The following SCNM1 variants were observed in gnomAD, a reference collection of about 807,000 sequenced individuals.
SCNM1 encodes the protein sodium channel modifier 1.
In SCNM1, 24 loss-of-function variants were observed where a neutral mutation model predicts 32.8. The ratio of observed to expected loss-of-function variants is 0.73; its 90% CI spans 0.53 to 1.03. The LOEUF (loss-of-function observed/expected upper bound fraction) is 1.03. Ranked by LOEUF, SCNM1 falls within the 50% of genes least tolerant of loss-of-function variation. The pLI is 0.00. For synonymous variants in SCNM1, 99 were observed against 103.2 expected (o/e 0.96, Z 0.25); for missense variants, 274 against 282.3 (o/e 0.97, Z 0.21).
chr1:151,166,544 A>G lies in SCNM1; in HGVS notation c.122+3A>G, dbSNP rs769319934. On this transcript the variant is annotated splice_donor_region_variant and intron_variant, in intron 2 of 6. Coordinates refer to ENST00000368905, the MANE Select transcript of SCNM1 (RefSeq NM_024041.4). The stretch of plus-strand genomic sequence containing the variant: ...GCGCTGATGCTTCGGGATGGACGGT[A>G]AGAGCAAGGAGTGGCTCAAGCCTGA... 1.9e-6 allele frequency: 3 copies of G among 1,613,840 alleles called. No individual in the cohort carries two copies. In the Admixed American group the frequency reaches 5.0e-5, roughly 27 times the overall value.
At chr1:151,167,663 C>T in intron 5 of SCNM1, 4 of 454,822 alleles carry the variant, frequency 8.8e-6, no homozygotes, top group South Asian at 8.2e-5. Context: ...GAAATCCTGT[C>T]TCTACCAAAA....
Position 151,168,192 on chromosome 1 carries a change from A to G in SCNM1, c.447A>G (p.Ser149=), listed in dbSNP as rs141384341. 228 of 1,614,174 alleles carry G rather than the reference A, an allele frequency of 1.4e-4. No individual in the cohort carries two copies. The Middle Eastern group carries it at 1.8e-3, about 13-fold the overall frequency. Residue 149 remains serine (S), a synonymous_variant, in exon 6 of 7, where the codon TCA becomes TCG. Coordinates refer to ENST00000368905, the MANE Select transcript of SCNM1 (RefSeq NM_024041.4). ...PSVSLSPMPP[S]EVKLQSGKIS... The stretch of plus-strand genomic sequence containing the variant: ...TCTCCCTTTCCCCTATGCCACCCTC[A>G]GAGGTCAAACTCCAAAGTGGGAAGA...
Position 151,166,737 on chromosome 1 carries a change from A to G in SCNM1, c.122+196A>G, listed in dbSNP as rs1572075405. ...GCGCATGCCACCACGCCTGGCTTCA[A>G]CAAACTTTTGTTATTAATTAGGACA... is the stretch of plus-strand genomic sequence containing the variant. On this transcript the variant is annotated intron_variant, in intron 2 of 6. Transcript: ENST00000368905. 10 of 1,235,826 alleles carry G rather than the reference A, an allele frequency of 8.1e-6. No individual in the cohort carries two copies. In the East Asian group the frequency reaches 2.3e-4, roughly 28 times the overall value. The allele number at this position is 1,235,826 out of a possible 1,614,324, so 76.6% of individuals were successfully genotyped here. A position where few individuals can be genotyped will look rare whatever the true frequency, so the allele number is the denominator to read the frequency against.
chr1:151,168,874 G>T, intron 6 of SCNM1, 112 bp from the exon 7 acceptor site: 1 of 922,868 alleles, frequency 1.1e-6, no homozygotes, highest in Non-Finnish European at 1.5e-6. Context: ...CTGACCTCAA[G>T]TGATCCACCT....
At chr1:151,166,375 C>G in intron 1 of SCNM1, 96 bp from the exon 2 acceptor site, 5 of 1,566,742 alleles carry the variant, frequency 3.2e-6, no homozygotes, top group Non-Finnish European at 4.3e-6. Context: ...CCCCAGGGTC[C>G]TTATTCCATT....
chr1:151,167,322 C>G lies in SCNM1; in HGVS notation c.310-4C>G. 6.2e-7 allele frequency: 1 copy of G among 1,614,078 alleles called. No individual in the cohort carries two copies. Reference sequence around the variant, plus strand: ...TCTGACTCTGTCTCCCATCTCCTTACCAGGCTCCTCTGCTAACTCAGACAC... The same window carrying G: ...TCTGACTCTGTCTCCCATCTCCTTAGCAGGCTCCTCTGCTAACTCAGACAC... On this transcript the variant is annotated splice_region_variant and splice_polypyrimidine_tract_variant and intron_variant, in intron 4 of 6. Transcript: ENST00000368905.
Position 151,166,520 on chromosome 1 carries a change from C to G in SCNM1, c.101C>G (p.Ala34Gly), listed in dbSNP as rs780101124. 1 of 1,614,006 alleles carries G rather than the reference C, an allele frequency of 6.2e-7. No homozygotes were observed. ...LLASYIPEDEALMLRDGRFAC... is the reference protein window; with the variant it reads ...LLASYIPEDEGLMLRDGRFAC... ...GCCAGTTACATTCCAGAGGATGAGG[C>G]GCTGATGCTTCGGGATGGACGGTAA... The change falls in exon 2 of 7, where the codon GCG becomes GGG. Residue 34 changes from alanine to glycine, a missense_variant. By Grantham distance (60) the Ala-to-Gly change is moderately conservative. Coordinates refer to ENST00000368905, the MANE Select transcript of SCNM1 (RefSeq NM_024041.4).
Position 151,167,158 on chromosome 1 carries a change from G to C in SCNM1, c.249G>C (p.Lys83Asn). 1 of 1,614,184 alleles carries C rather than the reference G, an allele frequency of 6.2e-7. No individual in the cohort carries two copies. The highest frequency in any genetic ancestry group is 8.5e-7 in the Non-Finnish European group (1 of 1,180,048). ...TCTATGGCAAGAAGCAGCCGGGAAA[G>C]GAAAGAAAGCAGAATCCAAAACATC... ...QLFYGKKQPG[K>N]ERKQNPKHQN... Residue 83 changes from lysine to asparagine, a missense_variant, in exon 4 of 7, where the codon AAG becomes AAC. Physicochemically the swap from Lys to Asn is moderately conservative, Grantham distance 94. Coordinates refer to ENST00000368905, the MANE Select transcript of SCNM1 (RefSeq NM_024041.4).
chr1:151,168,319 C>A lies in SCNM1; in HGVS notation c.574C>A (p.His192Asn). ...CCCCACAAGAAGACGAGCCCTGGAC[C>A]ATTATCTCACCCTTCGAAGGTGAGT... ...MSPTRRRALD[H>N]YLTLRSSGWI... Residue 192 changes from histidine (H) to asparagine (N), a missense_variant, in exon 6 of 7, where the codon CAT becomes AAT. His to Asn is a moderately conservative substitution (Grantham distance 68). Transcript: ENST00000368905. 6.2e-7 allele frequency: 1 copy of A among 1,609,940 alleles called. No homozygotes were observed. Among genetic ancestry groups the A allele is most frequent in the Non-Finnish European group, 8.5e-7 (1 of 1,177,828 alleles).
chr1:151,167,988 C>A, intron 5 of SCNM1, 156 bp from the exon 6 acceptor site: 2 of 844,766 alleles, frequency 2.4e-6, no homozygotes, highest in Non-Finnish European at 3.4e-6. Context: ...TTTAAGCTAG[C>A]CTTTCCCAAA....
At position 151,169,239 on chromosome 1, in the gene SCNM1, CCTTT is replaced by C. The variant is rs1683860795; in HGVS notation, c.*155_*158del. On this transcript the variant is annotated 3_prime_UTR_variant, in exon 7 of 7. Transcript: ENST00000368905. ...TGCAAGGTACACAGCTCTCCACACT[CCTTT>C]TTTTTTTTTTTTTTTTTTTGAGGCA... 3 of 542,640 alleles carry C rather than the reference CCTTT, an allele frequency of 5.5e-6. No individual in the cohort carries two copies. The highest frequency in any genetic ancestry group is 8.9e-6 in the Non-Finnish European group (3 of 335,512). The allele number at this position is 542,640 out of a possible 1,614,324, so 33.6% of individuals were successfully genotyped here.
In SCNM1 at chr1:151,170,049, C is replaced by T; in HGVS notation, c.*964C>T. 1 of 1,613,702 alleles carries T rather than the reference C, an allele frequency of 6.2e-7. No homozygotes were observed. Among genetic ancestry groups the T allele is most frequent in the Non-Finnish European group, 8.5e-7 (1 of 1,179,632 alleles). ...GATGAGGATTTAAGTGTCCAGTGCT[C>T]CCAGCGCTAGTTGGTAAAGGGAAAT... On this transcript the variant is annotated 3_prime_UTR_variant, in exon 7 of 7. Transcript: ENST00000368905.
rs1395933610 is a variant in SCNM1 at position 151,167,191 on chromosome 1, A to G, written c.282A>G (p.Glu94=). ...ERKQNPKHQN[E]LRREETKAEA... is the part of the protein sequence containing the mutation. ...AGCAGAATCCAAAACATCAGAATGA[A>G]TTGAGAAGGGAAGAAACCAAAGCTG... The change falls in exon 4 of 7, where the codon GAA becomes GAG. Residue 94 remains glutamate, a synonymous_variant. Transcript: ENST00000368905. 2 of 1,614,216 alleles carry G rather than the reference A, an allele frequency of 1.2e-6. No individual in the cohort carries two copies. The highest frequency in any genetic ancestry group is 1.7e-6 in the Non-Finnish European group (2 of 1,180,032).
At chr1:151,166,325 C>T in intron 1 of SCNM1, 122 bp downstream of exon 1, 1 of 1,536,670 alleles carries the variant, frequency 6.5e-7, no homozygotes, top group South Asian at 1.2e-5. Flanking sequence ...CGACTTAGAG[C>T]TGTGTAGTGA....
intron 6 of SCNM1, 122 bp downstream of exon 6, chr1:151,168,460 G>A: frequency 7.3e-7 from 1 of 1,363,256 alleles, no homozygotes; most frequent in Non-Finnish European, 9.7e-7. Context: ...CCCAGCTGGA[G>A]TGCAATGGCA....
At chr1:151,166,731 G>T (rs1438953154) in intron 2 of SCNM1, 190 bp downstream of exon 2, 1 of 1,229,234 alleles carries the variant, frequency 8.1e-7, no homozygotes, top group Non-Finnish European at 1.1e-6. Context: ...ACCACGCCTG[G>T]CTTCAACAAA....
In SCNM1 at chr1:151,169,893, A is replaced by C. The variant is rs1195673625; in HGVS notation, c.*808A>C. On this transcript the variant is annotated 3_prime_UTR_variant, in exon 7 of 7. Transcript: ENST00000368905. ...TGAACCTCCCTGCCTGCTGATCCCC[A>C]GAGTATAAATAATCCCCTGGTGAAC... is the stretch of plus-strand genomic sequence containing the variant. The C allele has an allele frequency of 1.6e-6, 1 of 633,440 alleles. No homozygotes were observed. The highest frequency in any genetic ancestry group is 2.9e-5 in the East Asian group (1 of 35,034). The allele number at this position is 633,440 out of a possible 1,614,324, so 39.2% of individuals were successfully genotyped here. A position where few individuals can be genotyped will look rare whatever the true frequency, so the allele number is the denominator to read the frequency against.
Position 151,169,487 on chromosome 1 carries a change from G to A in SCNM1, c.*402G>A, listed in dbSNP as rs587669239. ...TCTCGATCTCCTGACCTCGTGATCC[G>A]CCCACCTCGGCCTCCCAAAGTGCTG... is the stretch of plus-strand genomic sequence containing the variant. On this transcript the variant is annotated 3_prime_UTR_variant, in exon 7 of 7. Coordinates refer to ENST00000368905, the MANE Select transcript of SCNM1 (RefSeq NM_024041.4). 554 of 169,744 alleles carry A rather than the reference G, an allele frequency of 3.3e-3. 3 individuals are homozygous for A. Among genetic ancestry groups the A allele is most frequent in the African/African-American group, 0.012 (507 of 41,882 alleles). The allele number at this position is 169,744 out of a possible 1,614,324, so 10.5% of individuals were successfully genotyped here. A position where few individuals can be genotyped will look rare whatever the true frequency, so the allele number is the denominator to read the frequency against.
At chr1:151,166,315 C>T (rs746946216) in intron 1 of SCNM1, 112 bp downstream of exon 1, 15 of 1,535,178 alleles carry the variant, frequency 9.8e-6, no homozygotes, top group African/African-American at 5.5e-5. Flanking sequence ...GAGAACCAGG[C>T]GACTTAGAGC....
Sources: gnomAD v4.1 joint callset for allele counts on GRCh38, gnomAD v4.1.1 for gene constraint, MANE v1.5 for transcripts, NCBI Gene and HGNC (gene_info 2026-07-23, HGNC 2026-07-21) for gene names.